Variants in EFHD1 observed in about 807,000 individuals in gnomAD.
EFHD1 encodes EF-hand domain family member D1, also known as EF-hand domain-containing protein D1.
In EFHD1, 10 loss-of-function variants were observed where a neutral mutation model predicts 17.2. The ratio of observed to expected loss-of-function variants is 0.58; its 90% CI spans 0.36 to 0.99. The LOEUF is 0.99. Ranked by LOEUF, EFHD1 falls within the 50% of genes least tolerant of loss-of-function variation. EFHD1 has a pLI of 0.01. For missense variants in EFHD1, 310 were observed against 327.5 expected (o/e 0.95, Z 0.41); for synonymous variants, 153 against 142.0 (o/e 1.08, Z -0.55).
At chr2:232,681,088 G>A (rs187259101) in intron 3 of EFHD1, among the ~76,000 whole-genome samples, 2 of 152,014 alleles carry the variant, frequency 1.3e-5, no homozygotes, top group African/African-American at 2.4e-5. Flanking sequence ...CCTGGGAGAT[G>A]GAGATTGCAG....
rs1694059216 is a variant in EFHD1 at position 232,623,694 on chromosome 2, AGAAGAAGAAGAAG to A, written c.14+17522_14+17534del. Among the ~76,000 whole-genome samples, 3 of 84,954 alleles carry A rather than the reference AGAAGAAGAAGAAG, an allele frequency of 3.5e-5. No homozygotes were observed. The South Asian group carries it at 1.1e-3, about 33-fold the overall frequency. The allele number at this position is 84,954 out of a possible 152,430, so 55.7% of individuals were successfully genotyped here. A position where few individuals can be genotyped will look rare whatever the true frequency, so the allele number is the denominator to read the frequency against. ...TGTCCAAAAAAAAAAAAAAAAAAAA[AGAAGAAGAAGAAG>A]AAGAAGAAGAAAGAAAGAAAGAAAA... On this transcript the variant is annotated intron_variant, in intron 1 of 3. Transcript: ENST00000409613.
Position 232,633,631 on chromosome 2 carries a change from A to C in EFHD1, c.-74A>C. On this transcript the variant is annotated 5_prime_UTR_variant, in exon 1 of 4. Coordinates refer to ENST00000264059, the MANE Select transcript of EFHD1 (RefSeq NM_025202.4). ...AGTGTTGTAGAGCCTCGAGCCTGCGAGGAGCGCGCCGCCCGCCAGCTCCCT... is the reference window on the plus strand; with the variant it reads ...AGTGTTGTAGAGCCTCGAGCCTGCGCGGAGCGCGCCGCCCGCCAGCTCCCT... 3.0e-6 allele frequency: 4 copies of C among 1,354,892 alleles called. No homozygotes were observed. Among genetic ancestry groups the C allele is most frequent in the Non-Finnish European group, 3.8e-6 (4 of 1,062,886 alleles). The allele number at this position is 1,354,892 out of a possible 1,614,324, so 83.9% of individuals were successfully genotyped here.
chr2:232,646,844 T>C (rs1694539484), intron 1 of EFHD1, among the ~76,000 whole-genome samples: 1 of 152,262 alleles, frequency 6.6e-6, no homozygotes, highest in African/African-American at 2.4e-5. Context: ...AACCTCTTCC[T>C]GCAGTCCCCA....
At chr2:232,615,020 T>C (rs560487404) in intron 1 of EFHD1, among the ~76,000 whole-genome samples, 133 of 152,208 alleles carry the variant, frequency 8.7e-4, no homozygotes, top group African/African-American at 3.1e-3. Context: ...GATGGGTCTC[T>C]CTTTGATACC....
chr2:232,668,899 G>A (rs1695015562), intron 2 of EFHD1, among the ~76,000 whole-genome samples: 2 of 152,138 alleles, frequency 1.3e-5, no homozygotes, highest in South Asian at 4.2e-4. Context: ...CTCCCAAAAT[G>A]CTGAGATTAC....
chr2:232,623,674 A>C (rs1475668016), intron 1 of EFHD1, among the ~76,000 whole-genome samples: 1 of 91,558 alleles, frequency 1.1e-5, no homozygotes. Context: ...GTCTCTGTCC[A>C]AAAAAAAAAA....
intron 1 of EFHD1, among the ~76,000 whole-genome samples, chr2:232,637,746 C>T (rs762771461): frequency 6.6e-6 from 1 of 152,174 alleles, no homozygotes; most frequent in Non-Finnish European, 1.5e-5. Context: ...GTACAAAGTA[C>T]ACCCTGTCTT....
chr2:232,623,802 T>TGAA (rs1694062967), intron 1 of EFHD1, among the ~76,000 whole-genome samples: 2 of 151,310 alleles, frequency 1.3e-5, no homozygotes, highest in Non-Finnish European at 1.5e-5. Context: ...CCTGCGTGAG[T>TGAA]GAAGGGAGGA....
intron 2 of EFHD1, 95 bp downstream of exon 2, chr2:232,663,044 C>T (rs1694905005): frequency 2.9e-6 from 4 of 1,366,028 alleles, no homozygotes; most frequent in Non-Finnish European, 3.8e-6. Flanking sequence ...TTTGGCCTCT[C>T]CAGAGCGCTG....
intron 1 of EFHD1, among the ~76,000 whole-genome samples, chr2:232,643,483 C>G (rs1213314789): frequency 1.3e-5 from 2 of 151,934 alleles, no homozygotes; most frequent in Non-Finnish European, 2.9e-5. Flanking sequence ...TCATGGCTCA[C>G]TGCAGCCTCG....
chr2:232,673,696 T>G (rs1225995675), intron 3 of EFHD1, among the ~76,000 whole-genome samples: 1 of 152,200 alleles, frequency 6.6e-6, no homozygotes. Context: ...CAAGGCACCC[T>G]TACATGCTTT....
chr2:232,640,501 G>A (rs1274011177), intron 1 of EFHD1, among the ~76,000 whole-genome samples: 3 of 152,162 alleles, frequency 2.0e-5, no homozygotes, highest in Non-Finnish European at 4.4e-5. Context: ...TTTCCAACCT[G>A]CTATGAGCTA....
At chr2:232,636,772 G>A (rs528769492) in intron 1 of EFHD1, among the ~76,000 whole-genome samples, 105 of 152,272 alleles carry the variant, frequency 6.9e-4, no homozygotes, top group Non-Finnish European at 1.3e-3. Flanking sequence ...GCAGTGAGCC[G>A]AGATCACGCC....
At chr2:232,648,888 T>A (rs574463524) in intron 1 of EFHD1, among the ~76,000 whole-genome samples, 1 of 152,144 alleles carries the variant, frequency 6.6e-6, no homozygotes, top group Non-Finnish European at 1.5e-5. Flanking sequence ...GAAGGTACTC[T>A]TGTGTCCTGG....
intron 1 of EFHD1, among the ~76,000 whole-genome samples, chr2:232,656,406 G>T (rs1694762016): frequency 6.6e-6 from 1 of 151,408 alleles, no homozygotes; most frequent in Admixed American, 6.6e-5. Flanking sequence ...GTCTGTGGGG[G>T]TCTTAGTTTT....
At chr2:232,617,000 G>T (rs566615858) in intron 1 of EFHD1, among the ~76,000 whole-genome samples, 2 of 152,196 alleles carry the variant, frequency 1.3e-5, no homozygotes, top group Admixed American at 6.5e-5. Context: ...GAGTAGGGCT[G>T]GAAGGGCTAG....
At chr2:232,623,763 A>G (rs1694061927) in intron 1 of EFHD1, among the ~76,000 whole-genome samples, 1 of 151,664 alleles carries the variant, frequency 6.6e-6, no homozygotes, top group Non-Finnish European at 1.5e-5. Context: ...TTTCTGTTGG[A>G]CAGCGCTGTC....
chr2:232,665,043 C>A (rs1694945433), intron 2 of EFHD1, among the ~76,000 whole-genome samples: 2 of 152,032 alleles, frequency 1.3e-5, no homozygotes, highest in South Asian at 4.1e-4. Context: ...TCCTGAGTAG[C>A]TGGACCACAG....
At chr2:232,660,528 A>G (rs1008610266) in intron 1 of EFHD1, among the ~76,000 whole-genome samples, 1 of 151,868 alleles carries the variant, frequency 6.6e-6, no homozygotes, top group African/African-American at 2.4e-5. Context: ...ATGGGGTCTC[A>G]CTACATTGCC....
Sources: gnomAD v4.1 joint callset for allele counts (sites outside exome capture counted in the v4.1 genomes callset) on GRCh38, gnomAD v4.1.1 for gene constraint, MANE v1.5 for transcripts, NCBI Gene and HGNC (gene_info 2026-07-23, HGNC 2026-07-21) for gene names.